PHACTR2: variants seen among roughly 807,000 people sequenced by gnomAD.
PHACTR2 encodes phosphatase and actin regulator 2, also known as chromosome 6 open reading frame 56.
In PHACTR2, 30 loss-of-function variants were observed where a neutral mutation model predicts 76.0. The ratio of observed to expected loss-of-function variants is 0.39; its 90% CI spans 0.30 to 0.54. The LOEUF (loss-of-function observed/expected upper bound fraction) is 0.54. PHACTR2 is among the 20% of genes least tolerant of loss of function. The pLI, the probability that PHACTR2 is intolerant of heterozygous loss-of-function variation, is 0.61. For missense variants in PHACTR2, 696 were observed against 781.1 expected (o/e 0.89, Z 1.30); for synonymous variants, 292 against 292.5 (o/e 1.00, Z 0.02).
At position 143,589,323 on chromosome 6, in the gene PHACTR2, C is replaced by T. The variant is rs573023111; in HGVS notation, c.217+52116C>T. Among the ~76,000 whole-genome samples, 3 of 152,188 alleles carry T rather than the reference C, an allele frequency of 2.0e-5. No homozygotes were observed. The highest frequency in any genetic ancestry group is 6.5e-5 in the Admixed American group (1 of 15,292). On this transcript the variant is annotated intron_variant, in intron 1 of 11. Transcript: ENST00000367584. This position sits in a 1 kb window ranked among gnomAD's most constrained non-coding sequence, Gnocchi z 4.4. ...TGTCATGATAGTGAATGACTTCTCA[C>T]GATATCTGGTTGTTTAAAAGTGTGG... is the stretch of plus-strand genomic sequence containing the variant.
rs1167324828 is a variant in PHACTR2, at chr6:143,581,788, C to T, written c.217+44581C>T. Among the ~76,000 whole-genome samples the T allele has an allele frequency of 6.6e-6, 1 of 152,076 alleles. No homozygotes were observed. Among genetic ancestry groups the T allele is most frequent in the Non-Finnish European group, 1.5e-5 (1 of 68,002 alleles). On this transcript the variant is annotated intron_variant, in intron 1 of 11. Transcript: ENST00000367584. This position sits in a 1 kb window ranked among gnomAD's most constrained non-coding sequence, Gnocchi z 4.5. ...TCGAGGCTGCAGTGAGCCATGATCA[C>T]GCCACTGCACTCCAGCCTGGGTGAC...
rs1250030653 is a variant in PHACTR2 at position 143,689,716 on chromosome 6, G to A, written c.46+11507G>A. On this transcript the variant is annotated intron_variant, in intron 1 of 12. Transcript: ENST00000440869. This position sits in a 1 kb window ranked among gnomAD's most constrained non-coding sequence, Gnocchi z 4.4. ...CAAGTCTTTTTTTTTTTTTTGAGAT[G>A]GAGTGTCGCTCTGTTGCCCAGGCTG... Among the ~76,000 whole-genome samples the A allele has an allele frequency of 7.3e-6, 1 of 136,322 alleles. No individual in the cohort carries two copies. Among genetic ancestry groups the A allele is most frequent in the East Asian group, 2.1e-4 (1 of 4,736 alleles). 89.4% of individuals were successfully genotyped at this position (136,322 alleles called of 152,430 possible). A position where few individuals can be genotyped will look rare whatever the true frequency, so the allele number is the denominator to read the frequency against.
At chr6:143,575,050 G>C (rs1356121341) in intron 1 of PHACTR2, among the ~76,000 whole-genome samples, 1 of 152,006 alleles carries the variant, frequency 6.6e-6, no homozygotes, top group African/African-American at 2.4e-5. Flanking sequence ...TAATCCATTT[G>C]GAACATAATT....
chr6:143,594,455 C>A (rs1262690160), intron 1 of PHACTR2, among the ~76,000 whole-genome samples: 4 of 152,168 alleles, frequency 2.6e-5, no homozygotes, highest in Admixed American at 2.6e-4. Flanking sequence ...TGAATTTGTT[C>A]AAGAAAATAG....
At chr6:143,560,882 G>GGT (rs36070460) in intron 1 of PHACTR2, among the ~76,000 whole-genome samples, 19,152 of 132,796 alleles carry the variant, frequency 0.14, 1,095 homozygotes, top group Middle Eastern at 0.21. Flanking sequence ...AAAGCAGAGG[G>GGT]GTGTGTGTGT....
intron 2 of PHACTR2, among the ~76,000 whole-genome samples, chr6:143,713,818 C>G (rs906098803): frequency 6.6e-6 from 1 of 152,166 alleles, no homozygotes; most frequent in Admixed American, 6.5e-5. Context: ...CTTCAAGTGC[C>G]TCCCTCTCAC....
At chr6:143,651,252 T>G (rs1335009416) in intron 1 of PHACTR2, among the ~76,000 whole-genome samples, 1 of 152,066 alleles carries the variant, frequency 6.6e-6, no homozygotes, top group African/African-American at 2.4e-5. Flanking sequence ...GGAGTGTGAA[T>G]TAGTTCAACC....
intron 1 of PHACTR2, among the ~76,000 whole-genome samples, chr6:143,584,925 C>T (rs184790866): frequency 9.8e-4 from 149 of 151,530 alleles, no homozygotes; most frequent in African/African-American, 3.5e-3. Flanking sequence ...GAAGAGTTTC[C>T]CTGATGCTGG....
At position 143,772,080 on chromosome 6, in the gene PHACTR2, A is replaced by C. The variant is rs13198928; in HGVS notation, c.1233-178A>C. Among the ~76,000 whole-genome samples, 2,164 of 152,340 alleles carry C rather than the reference A, an allele frequency of 0.014. 24 individuals are homozygous for C. Among genetic ancestry groups the C allele is most frequent in the Non-Finnish European group, 0.022 (1,527 of 68,028 alleles). On this transcript the variant is annotated intron_variant, in intron 6 of 12. Coordinates refer to ENST00000440869, the MANE Select transcript of PHACTR2 (RefSeq NM_001100164.2). This position sits in a 1 kb window ranked among gnomAD's most constrained non-coding sequence, Gnocchi z 5.4. ...AGCGTTTGCATTTTACAGATGAAAA[A>C]TGTAAAACCTTGAGAATTAAGGTTT...
At chr6:143,631,164 G>C (rs1341961796) in intron 1 of PHACTR2, among the ~76,000 whole-genome samples, 2 of 152,112 alleles carry the variant, frequency 1.3e-5, no homozygotes, top group Admixed American at 6.6e-5. Context: ...TAACCTTCTA[G>C]TAGAAAGCAT....
At position 143,621,194 on chromosome 6, in the gene PHACTR2, A is replaced by G. The variant is rs1242521813; in HGVS notation, c.13+12872A>G. 1.3e-5 allele frequency among the ~76,000 whole-genome samples: 2 copies of G among 152,178 alleles called. No individual in the cohort carries two copies. The highest frequency in any genetic ancestry group is 4.8e-5 in the African/African-American group (2 of 41,440). ...AGGATTGGGTAGGGAATGTGGACAG[A>G]TTATAGGGAGAGACCAAGGTAGACA... On this transcript the variant is annotated intron_variant, in intron 1 of 11. Transcript: ENST00000305766. This position sits in a 1 kb window ranked among gnomAD's most constrained non-coding sequence, Gnocchi z 4.1.
At chr6:143,797,768 T>G (rs1402058917) in intron 11 of PHACTR2, among the ~76,000 whole-genome samples, 1 of 152,228 alleles carries the variant, frequency 6.6e-6, no homozygotes, top group East Asian at 1.9e-4. Context: ...GTGTATCTGT[T>G]TTGGCACCAG....
chr6:143,667,408 C>A (rs1777057924), intron 1 of PHACTR2, among the ~76,000 whole-genome samples: 1 of 151,746 alleles, frequency 6.6e-6, no homozygotes, highest in African/African-American at 2.4e-5. Flanking sequence ...TTTAAAAATT[C>A]TTTGAAGTCA....
chr6:143,635,458 C>T (rs1191647008), intron 1 of PHACTR2, among the ~76,000 whole-genome samples: 4 of 152,166 alleles, frequency 2.6e-5, no homozygotes, highest in South Asian at 2.1e-4. Context: ...ATCAAAAGTA[C>T]GTAGCTTTAA....
intron 11 of PHACTR2, among the ~76,000 whole-genome samples, chr6:143,790,212 T>C (rs1033027416): frequency 2.0e-5 from 3 of 152,150 alleles, no homozygotes; most frequent in Admixed American, 2.0e-4. Flanking sequence ...TGAAGGTCAA[T>C]AAGCTTGGGT....
intron 1 of PHACTR2, among the ~76,000 whole-genome samples, chr6:143,636,182 C>T (rs918433426): frequency 5.3e-5 from 8 of 151,378 alleles, no homozygotes; most frequent in Non-Finnish European, 1.2e-4. Flanking sequence ...CCACTGCACT[C>T]CAGCCTGGGT....
Position 143,780,585 on chromosome 6 carries a change from G to A in PHACTR2, c.1646-2634G>A, listed in dbSNP as rs944996094. On this transcript the variant is annotated intron_variant, in intron 9 of 12. Transcript: ENST00000440869. The surrounding 1 kb of genome is among the most constrained non-coding windows in gnomAD (Gnocchi z 4.4). ...CAAGAAGATAATACTCCAATTGCTGGTATTTTTATACTTTTCTTTCTTCTT... is the reference window on the plus strand; with the variant it reads ...CAAGAAGATAATACTCCAATTGCTGATATTTTTATACTTTTCTTTCTTCTT... Among the ~76,000 whole-genome samples the A allele has an allele frequency of 3.9e-5, 6 of 152,198 alleles. No individual in the cohort carries two copies. The highest frequency in any genetic ancestry group is 1.4e-4 in the African/African-American group (6 of 41,452).
At position 143,710,952 on chromosome 6, in the gene PHACTR2, T is replaced by G; in HGVS notation, c.47-1064T>G. On this transcript the variant is annotated intron_variant, in intron 1 of 12. Coordinates refer to ENST00000440869, the MANE Select transcript of PHACTR2 (RefSeq NM_001100164.2). The surrounding 1 kb of genome is among the most constrained non-coding windows in gnomAD (Gnocchi z 4.9). The stretch of plus-strand genomic sequence containing the variant: ...CATCTATCTATCCAGTTATTATTTT[T>G]GACGGACATCAGTACACTTCACCTC... 1 of 468,070 alleles carries G rather than the reference T, an allele frequency of 2.1e-6. No homozygotes were observed. Among genetic ancestry groups the G allele is most frequent in the South Asian group, 1.6e-5 (1 of 62,408 alleles). The allele number at this position is 468,070 out of a possible 1,614,324, so 29.0% of individuals were successfully genotyped here.
chr6:143,712,981 T>C (rs1252950124), intron 2 of PHACTR2, among the ~76,000 whole-genome samples: 2 of 152,322 alleles, frequency 1.3e-5, no homozygotes, highest in Non-Finnish European at 1.5e-5. Flanking sequence ...GTGTCTAAGA[T>C]AGAAAAGTGT....
Sources: allele counts gnomAD v4.1 joint callset (sites outside exome capture counted in the v4.1 genomes callset), GRCh38; gene constraint gnomAD v4.1.1; non-coding constraint Gnocchi (gnomAD v3.1); transcripts MANE v1.5; gene names NCBI Gene and HGNC (gene_info 2026-07-23, HGNC 2026-07-21).